The following SUMF1 variants were observed in gnomAD, a reference collection of about 807,000 sequenced individuals.
SUMF1 encodes sulfatase modifying factor 1, also known as formylglycine-generating enzyme.
A neutral mutation model predicts 47.6 loss-of-function variants in SUMF1; 48 were observed. The ratio of observed to expected loss-of-function variants is 1.01; its 90% CI spans 0.80 to 1.28. The LOEUF is 1.28. Among genes scored for constraint, SUMF1 ranks in the 50% most tolerant of loss-of-function variants. The pLI is 0.00. For missense variants in SUMF1, 571 were observed against 485.4 expected (o/e 1.18, Z -1.66); for synonymous variants, 230 against 192.1 (o/e 1.20, Z -1.63).
chr3:4,153,377 A>AT (rs1174972493), intron 8 of SUMF1, among the ~76,000 whole-genome samples: 1 of 151,312 alleles, frequency 6.6e-6, no homozygotes, highest in Non-Finnish European at 1.5e-5. Context: ...TGCCGAGCTA[A>AT]TTTTTTATTT....
At chr3:4,368,012 T>A (rs1700036943) in intron 8 of SUMF1, among the ~76,000 whole-genome samples, 1 of 151,948 alleles carries the variant, frequency 6.6e-6, no homozygotes, top group Non-Finnish European at 1.5e-5. Context: ...AAAGAGCTTC[T>A]GCACAGCAAA....
At chr3:4,199,167 C>G (rs991985878) in intron 8 of SUMF1, among the ~76,000 whole-genome samples, 1 of 152,120 alleles carries the variant, frequency 6.6e-6, no homozygotes, top group Non-Finnish European at 1.5e-5. Flanking sequence ...TGTTCCTACT[C>G]ACAGCTCCAC....
At chr3:4,301,956 T>C (rs759070421) in intron 8 of SUMF1, among the ~76,000 whole-genome samples, 2 of 151,976 alleles carry the variant, frequency 1.3e-5, no homozygotes, top group Non-Finnish European at 2.9e-5. Flanking sequence ...AAGAAAAAGG[T>C]CAAGGGCAGA....
chr3:4,104,665 T>C (rs2125064463), intron 8 of SUMF1, among the ~76,000 whole-genome samples: 1 of 146,734 alleles, frequency 6.8e-6, no homozygotes, highest in African/African-American at 2.7e-5. Flanking sequence ...TAAATCTCGA[T>C]TTCTCTCTCT....
chr3:4,204,082 T>C (rs1005401068), intron 8 of SUMF1, among the ~76,000 whole-genome samples: 22 of 152,108 alleles, frequency 1.4e-4, no homozygotes. Context: ...ATGAGTTTTG[T>C]GCCTTCAGAT....
intron 8 of SUMF1, among the ~76,000 whole-genome samples, chr3:4,265,276 T>G (rs767271717): frequency 1.3e-5 from 2 of 152,278 alleles, no homozygotes. Flanking sequence ...AATCTCAATG[T>G]TGAGTATCTT....
chr3:4,166,312 G>A (rs1488045246), intron 8 of SUMF1, among the ~76,000 whole-genome samples: 1 of 152,098 alleles, frequency 6.6e-6, no homozygotes, highest in Non-Finnish European at 1.5e-5. Flanking sequence ...CTCCAGGGTT[G>A]GAGGAGTGAT....
At chr3:4,083,146 T>C (rs974730797) in intron 8 of SUMF1, among the ~76,000 whole-genome samples, 3 of 152,154 alleles carry the variant, frequency 2.0e-5, no homozygotes, top group African/African-American at 7.2e-5. Context: ...GGCCATCTGC[T>C]GGGATGCAGC....
chr3:4,326,006 G>C (rs1437378444), intron 8 of SUMF1, among the ~76,000 whole-genome samples: 3 of 152,108 alleles, frequency 2.0e-5, no homozygotes, highest in Non-Finnish European at 4.4e-5. Context: ...ATTTTTAGTT[G>C]AAACAGGGTT....
chr3:4,373,494 T>C (rs950873266), intron 8 of SUMF1, among the ~76,000 whole-genome samples: 1 of 151,556 alleles, frequency 6.6e-6, no homozygotes, highest in African/African-American at 2.4e-5. Flanking sequence ...GGCTCACACC[T>C]GTAGTCCCAG....
intron 8 of SUMF1, among the ~76,000 whole-genome samples, chr3:4,349,442 T>C (rs1040912796): frequency 6.6e-6 from 1 of 152,214 alleles, no homozygotes; most frequent in Non-Finnish European, 1.5e-5. Flanking sequence ...CCCAAGGATC[T>C]AGAACCAGAA....
At chr3:4,198,057 A>G (rs928175730) in intron 8 of SUMF1, among the ~76,000 whole-genome samples, 1 of 129,856 alleles carries the variant, frequency 7.7e-6, no homozygotes, top group Non-Finnish European at 1.6e-5. Context: ...GGAAAGAGAG[A>G]TTCTTATTGG....
intron 8 of SUMF1, among the ~76,000 whole-genome samples, chr3:4,074,774 C>A (rs1485702220): frequency 6.6e-6 from 1 of 151,840 alleles, no homozygotes; most frequent in Non-Finnish European, 1.5e-5. Context: ...AGACACCCAC[C>A]CAAGACTAAA....
chr3:4,417,887 A>G, intron 5 of SUMF1, 123 bp downstream of exon 5: 1 of 1,545,508 alleles, frequency 6.5e-7, no homozygotes, highest in Middle Eastern at 2.3e-4. Context: ...GTGGAAAAAT[A>G]AGAAAAAGAA....
intron 8 of SUMF1, among the ~76,000 whole-genome samples, chr3:4,196,910 A>G (rs927217713): frequency 1.3e-5 from 2 of 152,086 alleles, no homozygotes; most frequent in Non-Finnish European, 2.9e-5. Context: ...TCATTGTCCT[A>G]ATTGGCCACC....
At chr3:4,397,530 C>T (rs1701077200) in intron 7 of SUMF1, among the ~76,000 whole-genome samples, 1 of 152,192 alleles carries the variant, frequency 6.6e-6, no homozygotes, top group Non-Finnish European at 1.5e-5. Flanking sequence ...GAGAATAAAG[C>T]AATTAGCTTA....
chr3:4,181,691 G>T (rs1238223073), intron 8 of SUMF1, among the ~76,000 whole-genome samples: 1 of 152,096 alleles, frequency 6.6e-6, no homozygotes, highest in East Asian at 1.9e-4. Flanking sequence ...CCAAGAAAGA[G>T]TGTCCCCTGT....
chr3:4,340,481 T>C (rs771165279), intron 8 of SUMF1, among the ~76,000 whole-genome samples: 18 of 152,148 alleles, frequency 1.2e-4, no homozygotes, highest in Non-Finnish European at 2.5e-4. Context: ...CTGCATGGGA[T>C]AGGGTCACAT....
intron 8 of SUMF1, among the ~76,000 whole-genome samples, chr3:4,287,815 G>A (rs1697662844): frequency 6.6e-6 from 1 of 152,212 alleles, no homozygotes; most frequent in Non-Finnish European, 1.5e-5. Flanking sequence ...GCATTAGCTA[G>A]TTGTTTGTGC....
Sources: gnomAD v4.1 joint callset for allele counts (sites outside exome capture counted in the v4.1 genomes callset) on GRCh38, gnomAD v4.1.1 for gene constraint, MANE v1.5 for transcripts, NCBI Gene and HGNC (gene_info 2026-07-23, HGNC 2026-07-21) for gene names.